STXBP3: variants seen among roughly 807,000 people sequenced by gnomAD.
STXBP3 encodes the protein syntaxin-binding protein 3.
STXBP3 carries 41 observed loss-of-function variants against 85.7 expected under a neutral mutation model. The observed-to-expected ratio is 0.48, with a 90% confidence interval of 0.37 to 0.62. STXBP3 has a LOEUF of 0.62. Among genes scored for constraint, STXBP3 ranks in the 20% least tolerant of loss-of-function variants. The probability of loss-of-function intolerance (pLI) is 0.00; values close to 1 mark genes in which losing one functional copy is unlikely to be tolerated. For missense variants in STXBP3, 563 were observed against 703.1 expected, an observed-to-expected ratio of 0.80 and a Z score of 2.25; for synonymous variants, 229 against 231.7, an observed-to-expected ratio of 0.99 and a Z score of 0.10.
At chr1:108,764,557 A>G (rs1483555379) in intron 6 of STXBP3, among the ~76,000 whole-genome samples, 4 of 152,106 alleles carry the variant, frequency 2.6e-5, no homozygotes, top group African/African-American at 9.7e-5. Context: ...TCACCAGCAT[A>G]TGTTATTTTT....
intron 3 of STXBP3, among the ~76,000 whole-genome samples, chr1:108,754,622 T>A (rs1344875569): frequency 6.6e-6 from 1 of 152,194 alleles, no homozygotes; most frequent in East Asian, 1.9e-4. Flanking sequence ...TTTCTTACTG[T>A]ATGCTCACTA....
chr1:108,765,099 C>T (rs150542851), intron 6 of STXBP3, among the ~76,000 whole-genome samples: 212 of 152,318 alleles, frequency 1.4e-3, no homozygotes, highest in African/African-American at 4.9e-3. Flanking sequence ...CTGCATGTAG[C>T]TGGCCAGTTA....
In STXBP3 at chr1:108,753,158, T is replaced by C. The variant is rs1301093392; in HGVS notation, c.181+14T>C. ...AAGGTATTACTGGTAAGTGTTATTC[T>C]TGGCATGAACACTTTTTAATTGTAA... is the stretch of plus-strand genomic sequence containing the variant. On this transcript the variant is annotated intron_variant, in intron 3 of 18. Coordinates refer to ENST00000370008, the MANE Select transcript of STXBP3 (RefSeq NM_007269.4). The C allele has an allele frequency of 1.3e-6, 2 of 1,527,528 alleles. No homozygotes were observed. Among genetic ancestry groups the C allele is most frequent in the Non-Finnish European group, 1.8e-6 (2 of 1,137,102 alleles). The allele number at this position is 1,527,528 out of a possible 1,614,324, so 94.6% of individuals were successfully genotyped here.
chr1:108,808,684 C>A (rs1663392709), intron 18 of STXBP3, 99 bp from the exon 19 acceptor site: 2 of 892,694 alleles, frequency 2.2e-6, no homozygotes, highest in South Asian at 1.4e-5. Flanking sequence ...TTACCCCAGG[C>A]TACTGCACTT....
intron 8 of STXBP3, 138 bp downstream of exon 8, chr1:108,776,561 A>T: frequency 1.8e-6 from 1 of 542,328 alleles, no homozygotes; most frequent in Non-Finnish European, 3.2e-6. Context: ...TTTGAGAATC[A>T]TTAACATACA....
intron 4 of STXBP3, chr1:108,757,058 C>T (rs926394286): frequency 1.0e-5 from 2 of 200,546 alleles, no homozygotes; most frequent in African/African-American, 2.3e-5. Context: ...TGAACTATAC[C>T]TTTTGGGGGG....
At chr1:108,778,888 A>AT (rs750889774) in intron 8 of STXBP3, among the ~76,000 whole-genome samples, 2 of 152,160 alleles carry the variant, frequency 1.3e-5, no homozygotes, top group Non-Finnish European at 2.9e-5. Context: ...CAGAACCTAC[A>AT]TATCTGGAAA....
intron 16 of STXBP3, among the ~76,000 whole-genome samples, chr1:108,798,811 T>G (rs1294387466): frequency 6.6e-6 from 1 of 152,224 alleles, no homozygotes; most frequent in East Asian, 1.9e-4. Context: ...AAATACTGCT[T>G]TGTTTTAATA....
intron 4 of STXBP3, 169 bp downstream of exon 4, chr1:108,756,935 C>G: frequency 2.5e-6 from 1 of 406,102 alleles, no homozygotes; most frequent in Non-Finnish European, 4.5e-6. Context: ...TTGCATTCTT[C>G]CGAATGAGAA....
chr1:108,752,136 T>C, intron 1 of STXBP3, 121 bp from the exon 2 acceptor site: 1 of 817,006 alleles, frequency 1.2e-6, no homozygotes, highest in South Asian at 1.8e-5. Context: ...AACAAATATG[T>C]ATGCTTTTTA....
At chr1:108,767,486 C>T (rs1331280318) in intron 6 of STXBP3, 1 of 184,780 alleles carries the variant, frequency 5.4e-6, no homozygotes, top group African/African-American at 2.4e-5. Context: ...ATTGTAAGAG[C>T]TTTATTGCCT....
chr1:108,749,527 T>C (rs1661860029), intron 1 of STXBP3, among the ~76,000 whole-genome samples: 1 of 152,200 alleles, frequency 6.6e-6, no homozygotes. Context: ...TTGAGATATA[T>C]CCATATTTAG....
At chr1:108,806,083 A>G (rs995849337) in intron 17 of STXBP3, among the ~76,000 whole-genome samples, 1 of 152,228 alleles carries the variant, frequency 6.6e-6, no homozygotes, top group Non-Finnish European at 1.5e-5. Context: ...ACACATTAAT[A>G]TATTTGTTTA....
chr1:108,746,899 T>C (rs1661797129), intron 1 of STXBP3, 113 bp downstream of exon 1: 1 of 1,064,142 alleles, frequency 9.4e-7, no homozygotes, highest in Non-Finnish European at 1.4e-6. Flanking sequence ...CGAGCACTTG[T>C]TGCTTTGGGA....
intron 17 of STXBP3, among the ~76,000 whole-genome samples, chr1:108,807,124 T>C (rs569318906): frequency 3.9e-5 from 6 of 152,084 alleles, no homozygotes; most frequent in Non-Finnish European, 8.8e-5. Context: ...TGGTGGCACA[T>C]GCCTGTAATC....
chr1:108,760,387 G>A (rs1048477001), intron 6 of STXBP3, among the ~76,000 whole-genome samples: 4 of 152,056 alleles, frequency 2.6e-5, no homozygotes, highest in Admixed American at 6.6e-5. Flanking sequence ...TCCAAAAAAA[G>A]TGTTTCATTT....
intron 11 of STXBP3, among the ~76,000 whole-genome samples, chr1:108,785,532 C>T (rs1662807094): frequency 6.6e-6 from 1 of 151,344 alleles, no homozygotes; most frequent in African/African-American, 2.4e-5. Flanking sequence ...GGGGCTACCA[C>T]GAAGGTCTCT....
Position 108,794,063 on chromosome 1 carries a change from C to G in STXBP3, c.1029+416C>G, listed in dbSNP as rs79180603. Among the ~76,000 whole-genome samples the G allele has an allele frequency of 4.4e-4, 67 of 152,274 alleles. 1 individual carries two copies. The East Asian group carries it at 0.013, about 29-fold the overall frequency. On this transcript the variant is annotated intron_variant, in intron 12 of 18. Coordinates refer to ENST00000370008, the MANE Select transcript of STXBP3 (RefSeq NM_007269.4). Reference sequence around the variant, plus strand: ...TCCTTAAAAACACTATCAGAATAATCTTAACATTTTTGTCATGTTGCACCC... The same window carrying G: ...TCCTTAAAAACACTATCAGAATAATGTTAACATTTTTGTCATGTTGCACCC...
intron 6 of STXBP3, among the ~76,000 whole-genome samples, chr1:108,765,841 C>T (rs1269377953): frequency 2.7e-5 from 4 of 145,644 alleles, no homozygotes; most frequent in South Asian, 4.3e-4. Context: ...GCCACTGCTC[C>T]CGGCATTTTT....
Sources: allele counts gnomAD v4.1 joint callset (sites outside exome capture counted in the v4.1 genomes callset), GRCh38; gene constraint gnomAD v4.1.1; transcripts MANE v1.5; gene names NCBI Gene and HGNC (gene_info 2026-07-23, HGNC 2026-07-21).